The following ENO2 variants were observed in gnomAD, a reference collection of about 807,000 sequenced individuals.
The protein encoded by ENO2 is enolase 2, also known as gamma-enolase.
A neutral mutation model predicts 48.7 loss-of-function variants in ENO2; 19 were observed. That is an observed-to-expected ratio of 0.39 (90% CI 0.27 to 0.57). ENO2 has a LOEUF of 0.57. ENO2 is among the 20% of genes least tolerant of loss of function. ENO2 has a pLI of 0.58. For missense variants in ENO2, 416 were observed against 555.0 expected (o/e 0.75, Z 2.52); for synonymous variants, 198 against 213.4 (o/e 0.93, Z 0.63).
intron 9 of ENO2, 93 bp from the exon 10 acceptor site, chr12:6,921,958 GCTTTC>G (rs1591654246): frequency 1.3e-6 from 2 of 1,553,908 alleles, no homozygotes; most frequent in Non-Finnish European, 1.8e-6. Context: ...CTCCCAGATA[GCTTTC>G]CCCTAGATGT....
chr12:6,918,170 C>T lies in ENO2; in HGVS notation c.667+8C>T, dbSNP rs201517115. Reference sequence around the variant, plus strand: ...TCCTGGAGAACAGTGAAGGTGAGGCCAGGAGCCCCACTCCCAGCTCTAAGT... The same window carrying T: ...TCCTGGAGAACAGTGAAGGTGAGGCTAGGAGCCCCACTCCCAGCTCTAAGT... On this transcript the variant is annotated splice_region_variant and intron_variant, in intron 7 of 11. Coordinates refer to ENST00000229277, the MANE Select transcript of ENO2 (RefSeq NM_001975.3). 2 of 1,613,696 alleles carry T rather than the reference C, an allele frequency of 1.2e-6. No individual in the cohort carries two copies. Among genetic ancestry groups the T allele is most frequent in the Non-Finnish European group, 1.7e-6 (2 of 1,179,762 alleles).
chr12:6,922,187 T>A lies in ENO2; in HGVS notation c.1176+23T>A. On this transcript the variant is annotated intron_variant, in intron 10 of 11. Coordinates refer to ENST00000229277, the MANE Select transcript of ENO2 (RefSeq NM_001975.3). This position sits in a 1 kb window ranked among gnomAD's most constrained non-coding sequence, Gnocchi z 5.3. ...CAGGTGAGTGAGGCAGCCTGGTGAG[T>A]GAAGAGAACTCTCTGTGGGATTGGT... 6.2e-7 allele frequency: 1 copy of A among 1,610,642 alleles called. No individual in the cohort carries two copies.
Position 6,916,888 on chromosome 12 carries a change from G to GGA in ENO2, c.241-148_241-147dup. On this transcript the variant is annotated intron_variant, in intron 4 of 11. Transcript: ENST00000229277. The surrounding 1 kb of genome is among the most constrained non-coding windows in gnomAD (Gnocchi z 4.5). ...TTCCTTAATGCACCCTGCTCCCATG[G>GGA]GAGTTCAGGTCCCCTAATCCAGGTA... The GGA allele has an allele frequency of 7.3e-7, 1 of 1,378,720 alleles. No individual in the cohort carries two copies. Among genetic ancestry groups the GGA allele is most frequent in the Non-Finnish European group, 1.0e-6 (1 of 992,846 alleles). 85.4% of individuals were successfully genotyped at this position (1,378,720 alleles called of 1,614,324 possible).
chr12:6,918,154 A>G lies in ENO2; in HGVS notation c.659A>G (p.Asn220Ser). The G allele has an allele frequency of 6.2e-7, 1 of 1,614,114 alleles. No individual in the cohort carries two copies. The highest frequency in any genetic ancestry group is 8.5e-7 in the Non-Finnish European group (1 of 1,180,010). ...EGGFAPNILE[N>S]SEALELVKEA... ...GGCTTTGCCCCCAATATCCTGGAGA[A>G]CAGTGAAGGTGAGGCCAGGAGCCCC... The change falls in exon 7 of 12, where the codon AAC becomes AGC. Residue 220 changes from asparagine (N) to serine (S), a missense_variant. Physicochemically the swap from Asn to Ser is conservative, Grantham distance 46. Transcript: ENST00000229277.
chr12:6,917,677 A>G lies in ENO2; in HGVS notation c.407A>G (p.Gln136Arg). Residue 136 changes from glutamine to arginine, a missense_variant, in exon 6 of 12, where the codon CAG becomes CGG. Gln to Arg is a conservative substitution (Grantham distance 43). Coordinates refer to ENST00000229277, the MANE Select transcript of ENO2 (RefSeq NM_001975.3). ...CTGCCCCTGTATCGCCACATTGCTC[A>G]GCTGGCCGGGAACTCAGACCTCATC... Reference protein sequence around the residue: ...RELPLYRHIAQLAGNSDLILP... With the variant: ...RELPLYRHIARLAGNSDLILP... The G allele has an allele frequency of 1.4e-6, 2 of 1,453,432 alleles. No homozygotes were observed. The highest frequency in any genetic ancestry group is 1.9e-6 in the Non-Finnish European group (2 of 1,077,980). 90.0% of individuals were successfully genotyped at this position (1,453,432 alleles called of 1,614,324 possible). A position where few individuals can be genotyped will look rare whatever the true frequency, so the allele number is the denominator to read the frequency against.
In ENO2 at chr12:6,923,115, A is replaced by T; in HGVS notation, c.*315A>T. On this transcript the variant is annotated 3_prime_UTR_variant, in exon 12 of 12. Transcript: ENST00000229277. ...CGTGGAAGAATGATCAGCATCTGTG[A>T]TGGGAGCGTCAGGGTTGGTGTGCTG... 1 of 344,658 alleles carries T rather than the reference A, an allele frequency of 2.9e-6. No individual in the cohort carries two copies. The highest frequency in any genetic ancestry group is 5.6e-6 in the Non-Finnish European group (1 of 177,410). The allele number at this position is 344,658 out of a possible 1,614,324, so 21.3% of individuals were successfully genotyped here. A position where few individuals can be genotyped will look rare whatever the true frequency, so the allele number is the denominator to read the frequency against.
In ENO2 at chr12:6,921,573, C is replaced by T; in HGVS notation, c.866-8C>T. ...ACCTCCCCCCTCCCCACCATGCTCT[C>T]TCTGCAGTGGTCTCCATTGAGGACC... is the stretch of plus-strand genomic sequence containing the variant. On this transcript the variant is annotated splice_polypyrimidine_tract_variant and splice_region_variant and intron_variant, in intron 8 of 11. Coordinates refer to ENST00000229277, the MANE Select transcript of ENO2 (RefSeq NM_001975.3). 6.2e-7 allele frequency: 1 copy of T among 1,614,096 alleles called. No homozygotes were observed. Among genetic ancestry groups the T allele is most frequent in the Non-Finnish European group, 8.5e-7 (1 of 1,179,988 alleles).
At chr12:6,917,861 G>T (rs1417015683) in intron 6 of ENO2, 79 bp from the exon 7 acceptor site, 57 of 1,365,318 alleles carry the variant, frequency 4.2e-5, no homozygotes, top group Non-Finnish European at 5.6e-5. Flanking sequence ...GCTGGGGGAA[G>T]TTTGGGATCT....
At position 6,917,873 on chromosome 12, in the gene ENO2, G is replaced by C. The variant is rs1478142752; in HGVS notation, c.445-67G>C. 4 of 1,594,808 alleles carry C rather than the reference G, an allele frequency of 2.5e-6. No homozygotes were observed. The African/African-American group carries it at 5.4e-5, about 21-fold the overall frequency. On this transcript the variant is annotated intron_variant, in intron 6 of 11. Transcript: ENST00000229277. ...AAAGCTGGGGGAAGTTTGGGATCTT[G>C]GGTTAACACTCCTGGGGCGGGCAGG...
intron 7 of ENO2, among the ~76,000 whole-genome samples, chr12:6,919,255 T>G (rs981640289): frequency 6.6e-6 from 1 of 152,248 alleles, no homozygotes; most frequent in African/African-American, 2.4e-5. Context: ...TGGTGAACTT[T>G]CTTACTTCTC....
intron 8 of ENO2, among the ~76,000 whole-genome samples, chr12:6,920,279 G>A (rs1945328246): frequency 6.7e-6 from 1 of 149,966 alleles, no homozygotes; most frequent in South Asian, 2.1e-4. Context: ...CAGAATTAAG[G>A]ATTTGGATTA....
chr12:6,917,500 T>A, intron 5 of ENO2, 81 bp from the exon 6 acceptor site: 1 of 1,541,736 alleles, frequency 6.5e-7, no homozygotes, highest in Non-Finnish European at 8.7e-7. Context: ...TACTGGCTCC[T>A]TTTGGAGACT....
In ENO2 at chr12:6,917,622, G is replaced by A. The variant is rs374122047; in HGVS notation, c.352G>A (p.Val118Met). 1.2e-4 allele frequency: 193 copies of A among 1,613,530 alleles called. No homozygotes were observed. Among genetic ancestry groups the A allele is most frequent in the Middle Eastern group, 3.3e-4 (2 of 6,080 alleles). ...TGCCATCCTGGGTGTGTCTCTGGCC[G>A]TGTGTAAGGCAGGGGCAGCTGAGCG... ...ANAILGVSLA[V>M]CKAGAAEREL... The change falls in exon 6 of 12, where the codon GTG becomes ATG. Residue 118 changes from valine (V) to methionine (M), a missense_variant. Transcript: ENST00000229277.
rs1159785480 is a variant in ENO2, at chr12:6,916,011, G to A, written c.85+94G>A. ...GTTCGGAGGCCTTTTTTGATACCCA[G>A]GGGTATGGGGTGCTGGGCCAGGCTC... On this transcript the variant is annotated intron_variant, in intron 2 of 11. Coordinates refer to ENST00000229277, the MANE Select transcript of ENO2 (RefSeq NM_001975.3). The surrounding 1 kb of genome is among the most constrained non-coding windows in gnomAD (Gnocchi z 4.5). 2 of 1,295,798 alleles carry A rather than the reference G, an allele frequency of 1.5e-6. No individual in the cohort carries two copies. Among genetic ancestry groups the A allele is most frequent in the African/African-American group, 2.9e-5 (2 of 68,416 alleles). 80.3% of individuals were successfully genotyped at this position (1,295,798 alleles called of 1,614,324 possible).
chr12:6,915,621 A>C, intron 1 of ENO2, 200 bp from the exon 2 acceptor site: 41 of 498,194 alleles, frequency 8.2e-5, no homozygotes, highest in Non-Finnish European at 7.7e-5. Flanking sequence ...TCCTCACTGC[A>C]TTGACCTTCT....
chr12:6,921,959 C>T, intron 9 of ENO2, 97 bp from the exon 10 acceptor site: 1 of 1,556,282 alleles, frequency 6.4e-7, no homozygotes, highest in Non-Finnish European at 8.9e-7. Flanking sequence ...TCCCAGATAG[C>T]TTTCCCCTAG....
intron 8 of ENO2, 54 bp from the exon 9 acceptor site, chr12:6,921,527 A>C: frequency 1.3e-6 from 2 of 1,577,196 alleles, no homozygotes; most frequent in Non-Finnish European, 1.7e-6. Flanking sequence ...TGCCTGATGT[A>C]GAGACCCAGG....
At chr12:6,921,022 G>A (rs7963014) in intron 8 of ENO2, among the ~76,000 whole-genome samples, 46,914 of 151,454 alleles carry the variant, frequency 0.31, 7,260 homozygotes, top group Middle Eastern at 0.44. Context: ...CAAGTGATCC[G>A]TTCACCTCAG....
In ENO2 at chr12:6,919,561, C is replaced by G; in HGVS notation, c.668-5C>G. 2.5e-6 allele frequency: 4 copies of G among 1,613,898 alleles called. No homozygotes were observed. The highest frequency in any genetic ancestry group is 1.1e-5 in the South Asian group (1 of 91,052). On this transcript the variant is annotated splice_polypyrimidine_tract_variant and splice_region_variant and intron_variant, in intron 7 of 11. Transcript: ENST00000229277. ...TACTATAATCTCACTGTATTCTGTC[C>G]CCAGCCTTGGAGCTGGTGAAGGAAG...
Sources: allele counts gnomAD v4.1 joint callset (sites outside exome capture counted in the v4.1 genomes callset), GRCh38; gene constraint gnomAD v4.1.1; non-coding constraint Gnocchi (gnomAD v3.1); transcripts MANE v1.5; gene names NCBI Gene and HGNC (gene_info 2026-07-23, HGNC 2026-07-21).